The following CHST8 variants were observed in gnomAD, a reference collection of about 807,000 sequenced individuals.
CHST8 encodes the protein GALNAC-4-ST1.
Under a neutral mutation model 15.0 loss-of-function variants are expected in CHST8, and 10 were observed. The ratio of observed to expected loss-of-function variants is 0.67; its 90% CI spans 0.41 to 1.13. The LOEUF is 1.13. Among genes scored for constraint, CHST8 ranks in the 50% most tolerant of loss-of-function variants. The probability of loss-of-function intolerance (pLI) is 0.00; values close to 1 mark genes in which losing one functional copy is unlikely to be tolerated. For synonymous variants in CHST8, 259 were observed against 256.6 expected (o/e 1.01, Z -0.09); for missense variants, 634 against 608.2 (o/e 1.04, Z -0.45).
At chr19:33,641,964 T>G (rs2145201471) in intron 1 of CHST8, among the ~76,000 whole-genome samples, 1 of 152,328 alleles carries the variant, frequency 6.6e-6, no homozygotes, top group East Asian at 1.9e-4. Flanking sequence ...TGTATATTAC[T>G]TTGGCCTCTG....
At chr19:33,624,254 A>G (rs1972022245) in intron 1 of CHST8, among the ~76,000 whole-genome samples, 1 of 152,248 alleles carries the variant, frequency 6.6e-6, no homozygotes, top group Non-Finnish European at 1.5e-5. Flanking sequence ...GCTCATTTAT[A>G]AATTGCCTGA....
At chr19:33,712,144 T>A (rs1263608961) in intron 3 of CHST8, among the ~76,000 whole-genome samples, 1 of 152,184 alleles carries the variant, frequency 6.6e-6, no homozygotes, top group East Asian at 1.9e-4. Context: ...GGAATTGTGA[T>A]GTATATTTTC....
intron 3 of CHST8, among the ~76,000 whole-genome samples, chr19:33,758,718 G>A (rs540839898): frequency 1.2e-4 from 18 of 152,346 alleles, no homozygotes; most frequent in Admixed American, 7.8e-4. Context: ...TGCTGCCCAC[G>A]TCTGCCCCTG....
intron 3 of CHST8, among the ~76,000 whole-genome samples, chr19:33,738,833 A>G (rs748076516): frequency 5.3e-5 from 8 of 151,792 alleles, no homozygotes; most frequent in Non-Finnish European, 8.8e-5. Context: ...TGGGTGATCC[A>G]CCCCTCTCGG....
At chr19:33,731,366 G>T (rs967387700) in intron 3 of CHST8, among the ~76,000 whole-genome samples, 6 of 152,204 alleles carry the variant, frequency 3.9e-5, no homozygotes, top group Non-Finnish European at 5.9e-5. Flanking sequence ...CCCCTTTTTA[G>T]ACCATAAAGG....
chr19:33,624,413 T>A (rs1448808492), intron 1 of CHST8, among the ~76,000 whole-genome samples: 1 of 152,206 alleles, frequency 6.6e-6, no homozygotes, highest in Non-Finnish European at 1.5e-5. Context: ...CTGTTAGAGA[T>A]GCCTTTATAA....
intron 3 of CHST8, among the ~76,000 whole-genome samples, chr19:33,734,208 TAC>T (rs1287916746): frequency 1.3e-5 from 2 of 152,122 alleles, no homozygotes; most frequent in African/African-American, 4.8e-5. Context: ...TCCTCACTGC[TAC>T]ACTCCCACCA....
chr19:33,756,286 C>T (rs1974545830), intron 3 of CHST8, among the ~76,000 whole-genome samples: 1 of 152,274 alleles, frequency 6.6e-6, no homozygotes, highest in Non-Finnish European at 1.5e-5. Flanking sequence ...TGGCGTTAGG[C>T]GGTGACGTGG....
rs546582008 is a variant in CHST8 at position 33,746,356 on chromosome 19, C to T, written c.131-25057C>T. Among the ~76,000 whole-genome samples the T allele has an allele frequency of 4.5e-4, 68 of 152,278 alleles. 2 individuals carry two copies. The highest frequency in any genetic ancestry group is 2.3e-3 in the South Asian group (11 of 4,818). On this transcript the variant is annotated intron_variant, in intron 3 of 4. Coordinates refer to ENST00000650847, the MANE Select transcript of CHST8 (RefSeq NM_001127895.2). ...CTCGTGTTCCTGCTCACTCACTCCC[C>T]GCACCGCCCCCGGCAACCACTGATC...
intron 3 of CHST8, among the ~76,000 whole-genome samples, chr19:33,730,745 A>T (rs931629443): frequency 9.9e-5 from 15 of 152,218 alleles, no homozygotes; most frequent in African/African-American, 3.4e-4. Flanking sequence ...ACAAAGTGAA[A>T]TTCCACAATA....
At chr19:33,740,365 T>G (rs982599915) in intron 3 of CHST8, among the ~76,000 whole-genome samples, 4 of 152,200 alleles carry the variant, frequency 2.6e-5, no homozygotes, top group Admixed American at 6.5e-5. Context: ...ATACTAAGTT[T>G]GAAGTCTGAG....
At chr19:33,721,998 T>C (rs1204515451) in intron 3 of CHST8, among the ~76,000 whole-genome samples, 2 of 140,372 alleles carry the variant, frequency 1.4e-5, no homozygotes. Flanking sequence ...GATGGATGGA[T>C]AGATGGAAAG....
At chr19:33,770,376 C>T (rs1974951308) in intron 3 of CHST8, among the ~76,000 whole-genome samples, 1 of 152,208 alleles carries the variant, frequency 6.6e-6, no homozygotes. Flanking sequence ...GTGACCATGG[C>T]TTTTGGCAGA....
intron 3 of CHST8, among the ~76,000 whole-genome samples, chr19:33,741,498 T>C (rs1426079319): frequency 6.6e-6 from 1 of 152,224 alleles, no homozygotes; most frequent in African/African-American, 2.4e-5. Flanking sequence ...ACACACCACA[T>C]ACCTGAGGCC....
intron 3 of CHST8, among the ~76,000 whole-genome samples, chr19:33,696,139 T>C (rs775220640): frequency 3.9e-5 from 6 of 152,306 alleles, no homozygotes; most frequent in Non-Finnish European, 7.4e-5. Flanking sequence ...ACATTTTCTT[T>C]ATCTGCTCAT....
chr19:33,762,606 G>A (rs977644872), intron 3 of CHST8, among the ~76,000 whole-genome samples: 4 of 152,248 alleles, frequency 2.6e-5, no homozygotes, highest in African/African-American at 4.8e-5. Flanking sequence ...CAGGAGCTGC[G>A]CTGCGGGAGA....
chr19:33,706,720 C>A (rs546294721), intron 3 of CHST8, among the ~76,000 whole-genome samples: 2 of 152,200 alleles, frequency 1.3e-5, no homozygotes, highest in Non-Finnish European at 2.9e-5. Context: ...GTCAAGTGAT[C>A]GCTGCTTGAA....
At chr19:33,669,029 A>G (rs79639034) in intron 2 of CHST8, among the ~76,000 whole-genome samples, 4 of 152,162 alleles carry the variant, frequency 2.6e-5, no homozygotes, top group Non-Finnish European at 4.4e-5. Context: ...TCAGGAGTTG[A>G]AGTTGCTTCT....
intron 3 of CHST8, among the ~76,000 whole-genome samples, chr19:33,718,577 GT>G (rs1599581061): frequency 6.6e-6 from 1 of 152,312 alleles, no homozygotes; most frequent in East Asian, 1.9e-4. Context: ...CCAAAATCAT[GT>G]TGCAATCTGG....
Sources: allele counts gnomAD v4.1 joint callset (sites outside exome capture counted in the v4.1 genomes callset), GRCh38; gene constraint gnomAD v4.1.1; transcripts MANE v1.5; gene names NCBI Gene and HGNC (gene_info 2026-07-23, HGNC 2026-07-21).